Variants in MROH9 observed in about 807,000 individuals in gnomAD.
MROH9 encodes maestro heat-like repeat-containing protein family member 9.
Under a neutral mutation model 98.2 loss-of-function variants are expected in MROH9, and 92 were observed. That is an observed-to-expected ratio of 0.94 (90% CI 0.79 to 1.11). The LOEUF (loss-of-function observed/expected upper bound fraction) is 1.11. MROH9 is among the 50% of genes most tolerant of loss of function. The pLI, the probability that MROH9 is intolerant of heterozygous loss-of-function variation, is 0.00. For missense variants in MROH9, 1,057 were observed against 1,014.8 expected, an observed-to-expected ratio of 1.04 and a Z score of -0.57; for synonymous variants, 397 against 368.9, an observed-to-expected ratio of 1.08 and a Z score of -0.87.
chr1:171,063,012 C>CTCAT (rs963383347), intron 21 of MROH9, among the ~76,000 whole-genome samples: 4 of 152,166 alleles, frequency 2.6e-5, no homozygotes, highest in Admixed American at 6.6e-5. Context: ...CATTCACTCA[C>CTCAT]TCATTCATTC....
intron 12 of MROH9, among the ~76,000 whole-genome samples, chr1:170,994,937 G>A (rs1256302838): frequency 7.5e-6 from 1 of 133,586 alleles, no homozygotes; most frequent in Non-Finnish European, 1.8e-5. Context: ...TTTCTGATGT[G>A]GTGACCTCCC....
At chr1:171,058,458 T>C (rs1653916721) in intron 20 of MROH9, among the ~76,000 whole-genome samples, 2 of 151,846 alleles carry the variant, frequency 1.3e-5, no homozygotes, top group African/African-American at 4.8e-5. Context: ...ATTCCCATCA[T>C]ACTACTATTG....
chr1:170,983,180 T>A (rs1331350679), intron 8 of MROH9, among the ~76,000 whole-genome samples: 1 of 152,210 alleles, frequency 6.6e-6, no homozygotes, highest in Admixed American at 6.5e-5. Flanking sequence ...ATTTGTTATC[T>A]TGTCAGGCTA....
At chr1:170,987,369 C>T (rs149351511) in intron 10 of MROH9, among the ~76,000 whole-genome samples, 61 of 152,288 alleles carry the variant, frequency 4.0e-4, no homozygotes, top group African/African-American at 1.3e-3. Context: ...TCTCAGCTTG[C>T]GTAGAGCTGG....
chr1:170,953,579 T>C (rs1456552866), intron 3 of MROH9, among the ~76,000 whole-genome samples: 2 of 152,088 alleles, frequency 1.3e-5, no homozygotes, highest in East Asian at 1.9e-4. Context: ...TAACATAAAG[T>C]CTTGTAGCAT....
chr1:171,024,397 T>G lies in MROH9; in HGVS notation c.1911T>G (p.Ile637Met). 6.4e-7 allele frequency: 1 copy of G among 1,551,046 alleles called. No homozygotes were observed. Among genetic ancestry groups the G allele is most frequent in the South Asian group, 1.2e-5 (1 of 84,042 alleles). Reference sequence around the variant, plus strand: ...AATAAGGCCTTTGTCTTTTACAGATTAATGGAGGCATTCGAAGTATGGCAA... The same window carrying G: ...AATAAGGCCTTTGTCTTTTACAGATGAATGGAGGCATTCGAAGTATGGCAA... ...GSSYCTLMDH[I>M]NGGIRSMAIR... Residue 637 changes from isoleucine (I) to methionine (M), a missense_variant and splice_region_variant, in exon 18 of 22, where the codon ATT (isoleucine) becomes ATG (methionine). Ile to Met is a conservative substitution (Grantham distance 10). Transcript: ENST00000367759.
chr1:170,958,370 T>C, intron 3 of MROH9, 91 bp from the exon 4 acceptor site: 1 of 706,214 alleles, frequency 1.4e-6, no homozygotes, highest in Admixed American at 2.7e-5. Context: ...TTAGTCTCTG[T>C]AAAAGGAAGA....
chr1:170,992,392 T>C (rs1651392510), intron 12 of MROH9, 63 bp downstream of exon 12: 3 of 1,520,740 alleles, frequency 2.0e-6, no homozygotes, highest in East Asian at 2.3e-5. Flanking sequence ...AAAATCCCTA[T>C]CTGCCCACAG....
In MROH9 at chr1:171,064,685, C is replaced by T. The variant is rs1654114712; in HGVS notation, c.*345C>T. ...GCTCTACTGAGCACCTTCTAAGTGC[C>T]AGATACTGTGTTAGGCAGTGGGGAC... On this transcript the variant is annotated 3_prime_UTR_variant, in exon 22 of 22. Coordinates refer to ENST00000367759, the MANE Select transcript of MROH9 (RefSeq NM_001163629.2). The T allele has an allele frequency of 1.5e-5, 3 of 196,908 alleles. No individual in the cohort carries two copies. Among genetic ancestry groups the T allele is most frequent in the South Asian group, 1.2e-4 (1 of 8,684 alleles). 12.2% of individuals were successfully genotyped at this position (196,908 alleles called of 1,614,324 possible).
chr1:170,990,146 G>C (rs1651300402), intron 11 of MROH9, 143 bp downstream of exon 11: 3 of 821,630 alleles, frequency 3.7e-6, no homozygotes, highest in Non-Finnish European at 5.4e-6. Flanking sequence ...TTTGCACCAT[G>C]TGGGATACTT....
chr1:170,958,187 G>A (rs919233857), intron 3 of MROH9, among the ~76,000 whole-genome samples: 1 of 152,096 alleles, frequency 6.6e-6, no homozygotes, highest in Non-Finnish European at 1.5e-5. Context: ...AAGTGCATCT[G>A]GTAAAGAGCA....
intron 20 of MROH9, among the ~76,000 whole-genome samples, chr1:171,042,092 A>G (rs1254445141): frequency 2.6e-5 from 4 of 151,996 alleles, no homozygotes; most frequent in Non-Finnish European, 5.9e-5. Context: ...CTTTGTAACT[A>G]TTATTCTGTA....
At chr1:171,048,192 A>G (rs1258035906) in intron 20 of MROH9, among the ~76,000 whole-genome samples, 2 of 152,104 alleles carry the variant, frequency 1.3e-5, no homozygotes, top group African/African-American at 2.4e-5. Context: ...GAGCTCTACA[A>G]TTGGCATGTG....
chr1:170,947,487 T>C (rs1649376341), intron 2 of MROH9, 40 bp from the exon 3 acceptor site: 4 of 1,571,276 alleles, frequency 2.5e-6, no homozygotes, highest in Non-Finnish European at 3.5e-6. Flanking sequence ...TAGGAGTCTA[T>C]GTTCATTCCT....
At chr1:170,983,364 T>A in intron 8 of MROH9, 58 bp from the exon 9 acceptor site, 1 of 1,238,682 alleles carries the variant, frequency 8.1e-7, no homozygotes, top group Non-Finnish European at 1.2e-6. Context: ...AATAGTAATG[T>A]CATAGAACAA....
In MROH9 at chr1:170,961,881, G is replaced by T. The variant is rs1337858208; in HGVS notation, c.289-9G>T. The T allele has an allele frequency of 7.2e-7, 1 of 1,390,012 alleles. No individual in the cohort carries two copies. Among genetic ancestry groups the T allele is most frequent in the Non-Finnish European group, 9.8e-7 (1 of 1,025,102 alleles). 86.1% of individuals were successfully genotyped at this position (1,390,012 alleles called of 1,614,324 possible). A position where few individuals can be genotyped will look rare whatever the true frequency, so the allele number is the denominator to read the frequency against. On this transcript the variant is annotated splice_polypyrimidine_tract_variant and intron_variant, in intron 5 of 21. Coordinates refer to ENST00000367759, the MANE Select transcript of MROH9 (RefSeq NM_001163629.2). ...GTCTGGCTGACTGTGCAATGTTTTTGTGTTTCAGAATTTATACCACAATAT... is the reference window on the plus strand; with the variant it reads ...GTCTGGCTGACTGTGCAATGTTTTTTTGTTTCAGAATTTATACCACAATAT...
At chr1:171,039,554 A>T (rs2101856774) in intron 20 of MROH9, among the ~76,000 whole-genome samples, 1 of 152,298 alleles carries the variant, frequency 6.6e-6, no homozygotes, top group East Asian at 1.9e-4. Flanking sequence ...ACTTCTGCTA[A>T]ATTATCATTA....
rs1180709099 is a variant in MROH9 at position 170,960,420 on chromosome 1, GA to G, written c.288+830del. Reference sequence around the variant, plus strand: ...GTCTTCTTCCAATACTAGAAAGAAAGAAAAAAATGTGTTGTTATATAGCATT... The same window carrying G: ...GTCTTCTTCCAATACTAGAAAGAAAGAAAAAATGTGTTGTTATATAGCATT... On this transcript the variant is annotated intron_variant, in intron 5 of 21. Transcript: ENST00000367759. Among the ~76,000 whole-genome samples, 4 of 151,924 alleles carry G rather than the reference GA, an allele frequency of 2.6e-5. No homozygotes were observed. The South Asian group carries it at 6.2e-4, about 24-fold the overall frequency.
At chr1:170,986,893 C>T (rs1397659648) in intron 10 of MROH9, among the ~76,000 whole-genome samples, 183 bp downstream of exon 10, 1 of 152,156 alleles carries the variant, frequency 6.6e-6, no homozygotes, top group Non-Finnish European at 1.5e-5. Flanking sequence ...CTCTGTGGCT[C>T]ACGCTGGAGT....
Sources: allele counts gnomAD v4.1 joint callset (sites outside exome capture counted in the v4.1 genomes callset), GRCh38; gene constraint gnomAD v4.1.1; transcripts MANE v1.5; gene names NCBI Gene and HGNC (gene_info 2026-07-23, HGNC 2026-07-21).